The following ASB2 variants were observed in gnomAD, a reference collection of about 807,000 sequenced individuals.
ASB2 encodes the protein ankyrin repeat and SOCS box protein 2.
Under a neutral mutation model 62.4 loss-of-function variants are expected in ASB2, and 58 were observed. The observed-to-expected ratio is 0.93, with a 90% CI of 0.75 to 1.16. The LOEUF (loss-of-function observed/expected upper bound fraction) is 1.16. Among genes scored for constraint, ASB2 ranks in the 50% most tolerant of loss-of-function variants. The probability of loss-of-function intolerance (pLI) is 0.00; values close to 1 mark genes in which losing one functional copy is unlikely to be tolerated. For synonymous variants in ASB2, 386 were observed against 385.3 expected (o/e 1.00, Z -0.02); for missense variants, 928 against 887.9 (o/e 1.05, Z -0.57).
At chr14:93,965,964 A>G (rs1281961717) in intron 1 of ASB2, among the ~76,000 whole-genome samples, 2 of 152,228 alleles carry the variant, frequency 1.3e-5, no homozygotes, top group African/African-American at 4.8e-5. Context: ...CAACCTCCTC[A>G]GAGGAGCCTT....
chr14:93,957,008 C>T, intron 2 of ASB2, 138 bp from the exon 3 acceptor site: 1 of 1,539,788 alleles, frequency 6.5e-7, no homozygotes. Flanking sequence ...TGAACCAAAG[C>T]AGATGGCCGG....
intron 7 of ASB2, among the ~76,000 whole-genome samples, chr14:93,943,580 G>T (rs948384522): frequency 1.3e-5 from 2 of 152,214 alleles, no homozygotes; most frequent in African/African-American, 2.4e-5. Flanking sequence ...GGAGGCAGAG[G>T]TTGCAGCGAG....
chr14:93,950,095 T>C (rs921778142), intron 6 of ASB2, among the ~76,000 whole-genome samples: 1 of 152,196 alleles, frequency 6.6e-6, no homozygotes, highest in African/African-American at 2.4e-5. Context: ...CTCAGTCTCT[T>C]CATCTATAAA....
Position 93,967,094 on chromosome 14 carries a change from C to T in ASB2, c.-73-2482G>A, listed in dbSNP as rs79668655. ...AAGTCAGCCATGAGCGCCTCTCTTC[C>T]TCTCTTGTGTCCTCAGTTTTTCCAT... is the stretch of plus-strand genomic sequence containing the variant. On this transcript the variant is annotated intron_variant, in intron 1 of 9. Transcript: ENST00000555019. 6.1e-3 allele frequency among the ~76,000 whole-genome samples: 935 copies of T among 152,348 alleles called. 13 individuals carry two copies. The highest frequency in any genetic ancestry group is 0.021 in the African/African-American group (894 of 41,582).
At chr14:93,968,701 C>G (rs1027362993) in intron 1 of ASB2, among the ~76,000 whole-genome samples, 1 of 152,194 alleles carries the variant, frequency 6.6e-6, no homozygotes, top group African/African-American at 2.4e-5. Context: ...AAGGGTTTAA[C>G]CTTGACAGGA....
chr14:93,968,092 A>G (rs1389446387), intron 1 of ASB2, among the ~76,000 whole-genome samples: 1 of 152,196 alleles, frequency 6.6e-6, no homozygotes, highest in Admixed American at 6.5e-5. Context: ...CCAGAGACTC[A>G]TAGACAGCAC....
chr14:93,962,247 TG>T (rs1439354880), intron 2 of ASB2, among the ~76,000 whole-genome samples: 1 of 149,258 alleles, frequency 6.7e-6, no homozygotes, highest in Admixed American at 6.7e-5. Context: ...CCCAAGTAGC[TG>T]GGACTACAGG....
At chr14:93,953,964 G>A (rs567309669) in intron 4 of ASB2, among the ~76,000 whole-genome samples, 1 of 152,180 alleles carries the variant, frequency 6.6e-6, no homozygotes, top group African/African-American at 2.4e-5. Flanking sequence ...CACAGCAGGT[G>A]GGGGATAGCC....
intron 6 of ASB2, among the ~76,000 whole-genome samples, chr14:93,948,611 A>G (rs971316392): frequency 6.6e-6 from 1 of 152,194 alleles, no homozygotes; most frequent in African/African-American, 2.4e-5. Context: ...ACTTCAAGGA[A>G]TAAGAGAATT....
In ASB2 at chr14:93,939,615, GA is replaced by G. The variant is rs1171474214; in HGVS notation, c.1109del (p.Val370AlafsTer20). ...GCTCGGCCGCCAGGTGCAGCGGACT[GA>G]CGCCGCTACGGCGTATGCGCGTGCG... The part of the protein sequence containing the change: ...TSRTRIRRSG[V>X]SPLHLAAERN... On this transcript the variant is annotated frameshift_variant, in exon 8 of 10. Transcript: ENST00000555019. LOFTEE classifies it high-confidence loss of function. 1.3e-6 allele frequency: 2 copies of G among 1,553,826 alleles called. No homozygotes were observed. The highest frequency in any genetic ancestry group is 1.7e-6 in the Non-Finnish European group (2 of 1,157,078).
chr14:93,943,798 C>A, intron 7 of ASB2: 1 of 374,008 alleles, frequency 2.7e-6, no homozygotes, highest in East Asian at 7.3e-5. Context: ...TCTCTTTTAA[C>A]TAATGGGGAT....
intron 7 of ASB2, 39 bp downstream of exon 7, chr14:93,947,310 C>A: frequency 6.2e-7 from 1 of 1,608,902 alleles, no homozygotes; most frequent in Non-Finnish European, 8.5e-7. Flanking sequence ...GTGTGGGCCT[C>A]GGGAGAGCTG....
intron 2 of ASB2, chr14:93,957,533 C>G (rs983158058): frequency 1.4e-5 from 5 of 356,944 alleles, no homozygotes; most frequent in Non-Finnish European, 2.0e-5. Context: ...TGACGTGAGA[C>G]AGGTTGACCT....
At chr14:93,939,059 G>C (rs956005691) in intron 8 of ASB2, 49 bp downstream of exon 8, 20 of 1,404,264 alleles carry the variant, frequency 1.4e-5, no homozygotes, top group Non-Finnish European at 1.8e-5. Flanking sequence ...GCGCGTCCCT[G>C]GGCCACACCC....
chr14:93,944,150 T>A (rs1888636368), intron 7 of ASB2: 2 of 373,738 alleles, frequency 5.4e-6, no homozygotes. Flanking sequence ...TCTCGTCAGG[T>A]GGGGCCCAGG....
intron 6 of ASB2, among the ~76,000 whole-genome samples, chr14:93,949,561 C>T (rs1002032440): frequency 7.9e-5 from 12 of 152,324 alleles, no homozygotes; most frequent in Non-Finnish European, 1.3e-4. Flanking sequence ...GTCCTGCCTC[C>T]GGCCTGAGGG....
At chr14:93,952,448 G>A (rs1048399840) in intron 5 of ASB2, among the ~76,000 whole-genome samples, 2 of 152,240 alleles carry the variant, frequency 1.3e-5, no homozygotes, top group African/African-American at 4.8e-5. Context: ...TGCTGCCCAA[G>A]CTGTTCCAAG....
At chr14:93,949,386 G>A (rs773527925) in intron 6 of ASB2, among the ~76,000 whole-genome samples, 12 of 152,210 alleles carry the variant, frequency 7.9e-5, no homozygotes, top group Non-Finnish European at 1.2e-4. Flanking sequence ...TAGGAGCCTC[G>A]GTTTTCTCAT....
At chr14:93,956,500 G>A (rs1889210502) in intron 3 of ASB2, among the ~76,000 whole-genome samples, 1 of 149,934 alleles carries the variant, frequency 6.7e-6, no homozygotes, top group Non-Finnish European at 1.5e-5. Flanking sequence ...CCAGCACTCA[G>A]GTCCCATGCT....
Sources: gnomAD v4.1 joint callset for allele counts (sites outside exome capture counted in the v4.1 genomes callset) on GRCh38, gnomAD v4.1.1 for gene constraint, MANE v1.5 for transcripts, NCBI Gene and HGNC (gene_info 2026-07-23, HGNC 2026-07-21) for gene names.